CTNNA3: variants seen among roughly 807,000 people sequenced by gnomAD.
CTNNA3 encodes the protein catenin alpha-3.
Under a neutral mutation model 95.7 loss-of-function variants are expected in CTNNA3, and 76 were observed. The observed-to-expected ratio is 0.79, with a 90% CI of 0.66 to 0.96. CTNNA3 has a LOEUF of 0.96. Among genes scored for constraint, CTNNA3 ranks in the 40% least tolerant of loss-of-function variants. The probability of loss-of-function intolerance (pLI) is 0.00; values close to 1 mark genes in which losing one functional copy is unlikely to be tolerated. For missense variants in CTNNA3, 1,191 were observed against 1,089.8 expected (o/e 1.09, Z -1.31); for synonymous variants, 431 against 374.4 (o/e 1.15, Z -1.74).
chr10:67,703,319 AC>A (rs372690194), intron 1 of CTNNA3, among the ~76,000 whole-genome samples: 18,283 of 151,846 alleles, frequency 0.12, 1,600 homozygotes, highest in African/African-American at 0.25. Flanking sequence ...CAGAGACACA[AC>A]CAAAAAGAGA....
chr10:66,329,094 G>C lies in CTNNA3; in HGVS notation c.1733-48473C>G, dbSNP rs1347040737. The stretch of plus-strand genomic sequence containing the variant: ...GCCTCTCGAGTAGCTGGGATTACAG[G>C]TGTGTGCCATCACACTCTGCTAATT... On this transcript the variant is annotated intron_variant, in intron 12 of 17. Transcript: ENST00000433211. Among the ~76,000 whole-genome samples the C allele has an allele frequency of 1.3e-5, 2 of 151,052 alleles. 1 individual carries two copies. Among genetic ancestry groups the C allele is most frequent in the Non-Finnish European group, 3.0e-5 (2 of 67,656 alleles).
intron 10 of CTNNA3, among the ~76,000 whole-genome samples, chr10:66,565,994 C>A (rs192515149): frequency 6.6e-6 from 1 of 152,084 alleles, no homozygotes. Context: ...GAGGTCAGGA[C>A]GAGTAGGTTG....
chr10:67,416,243 C>T (rs1295350137), intron 5 of CTNNA3, among the ~76,000 whole-genome samples: 1 of 152,060 alleles, frequency 6.6e-6, no homozygotes, highest in African/African-American at 2.4e-5. Context: ...GCAAACAAGG[C>T]ATCCAACAAA....
In CTNNA3 at chr10:66,794,738, C is replaced by T. The variant is rs372171697; in HGVS notation, c.1048-19214G>A. Among the ~76,000 whole-genome samples the T allele has an allele frequency of 3.7e-4, 57 of 152,224 alleles. No individual in the cohort carries two copies. In the South Asian group the frequency reaches 9.1e-3, roughly 24 times the overall value. On this transcript the variant is annotated intron_variant, in intron 7 of 17. Transcript: ENST00000433211. ...TAGATATTTGAGAGTTTTTTACTAG[C>T]GGTAGAACATCTTTCAGAACTGGAG...
chr10:66,407,932 C>T (rs143241410), intron 11 of CTNNA3, among the ~76,000 whole-genome samples: 58 of 152,218 alleles, frequency 3.8e-4, no homozygotes, highest in African/African-American at 1.3e-3. Context: ...TCTGTTCTAA[C>T]GCATAAATTA....
At chr10:67,148,421 A>G (rs533674537) in intron 7 of CTNNA3, among the ~76,000 whole-genome samples, 3 of 152,326 alleles carry the variant, frequency 2.0e-5, no homozygotes, top group African/African-American at 4.8e-5. Flanking sequence ...GAGGGAAGTA[A>G]TATGATCATC....
chr10:66,668,111 A>T (rs951861239), intron 9 of CTNNA3, among the ~76,000 whole-genome samples: 13 of 152,162 alleles, frequency 8.5e-5, no homozygotes, highest in Non-Finnish European at 1.5e-4. Flanking sequence ...GTGTATTAAA[A>T]GAGTTAAATG....
intron 13 of CTNNA3, among the ~76,000 whole-genome samples, chr10:66,137,458 G>T (rs1256995194): frequency 6.6e-6 from 1 of 151,970 alleles, no homozygotes; most frequent in Non-Finnish European, 1.5e-5. Context: ...AAAACCCAAT[G>T]CATGAATCTC....
At chr10:67,123,518 T>C (rs1859567269) in intron 7 of CTNNA3, among the ~76,000 whole-genome samples, 1 of 152,216 alleles carries the variant, frequency 6.6e-6, no homozygotes. Context: ...TTACTTTAAA[T>C]CATTAACAGC....
chr10:65,969,299 T>A (rs2078046973), intron 16 of CTNNA3, among the ~76,000 whole-genome samples: 1 of 152,114 alleles, frequency 6.6e-6, no homozygotes, highest in Non-Finnish European at 1.5e-5. Flanking sequence ...ACAAATATAA[T>A]TACAAAAATT....
At chr10:66,750,864 T>G (rs1230174700) in intron 9 of CTNNA3, among the ~76,000 whole-genome samples, 2 of 152,238 alleles carry the variant, frequency 1.3e-5, no homozygotes, top group Non-Finnish European at 2.9e-5. Context: ...TCCATTTATT[T>G]AGACTTTTAA....
intron 12 of CTNNA3, among the ~76,000 whole-genome samples, chr10:66,355,337 A>G (rs1005004495): frequency 2.0e-5 from 3 of 152,084 alleles, no homozygotes; most frequent in African/African-American, 7.2e-5. Flanking sequence ...TTTTATGCAA[A>G]TCTTTAAAAT....
At chr10:66,742,605 C>T (rs1244145149) in intron 9 of CTNNA3, among the ~76,000 whole-genome samples, 2 of 152,106 alleles carry the variant, frequency 1.3e-5, no homozygotes, top group Non-Finnish European at 2.9e-5. Flanking sequence ...AGGATGTCTC[C>T]CCCGGACACC....
chr10:66,685,575 T>C (rs10997302), intron 9 of CTNNA3, among the ~76,000 whole-genome samples: 2 of 150,038 alleles, frequency 1.3e-5, no homozygotes, highest in Non-Finnish European at 3.0e-5. Flanking sequence ...GGTTTCACCA[T>C]GTTAGCCAGG....
intron 6 of CTNNA3, among the ~76,000 whole-genome samples, chr10:67,211,270 A>G (rs537609283): frequency 1.9e-3 from 261 of 140,002 alleles, no homozygotes; most frequent in Middle Eastern, 0.011. Flanking sequence ...GTTTTGGAGA[A>G]AAAAAAAAAA....
chr10:67,054,647 G>A lies in CTNNA3; in HGVS notation c.1047+125670C>T, dbSNP rs145774739. 9.1e-4 allele frequency: 138 copies of A among 152,252 alleles called. 3 individuals are homozygous for A. Among genetic ancestry groups the A allele is most frequent in the African/African-American group, 3.2e-3 (134 of 41,542 alleles). The allele number at this position is 152,252 out of a possible 1,614,324, so 9.4% of individuals were successfully genotyped here. On this transcript the variant is annotated intron_variant, in intron 7 of 17. Coordinates refer to ENST00000433211, the MANE Select transcript of CTNNA3 (RefSeq NM_013266.4). ...TATGATGCAGTATTTCCAATGGCGG[G>A]AGACAGAAACAATGTCACAAAGTGG...
At chr10:67,643,290 G>A (rs976901669) in intron 2 of CTNNA3, among the ~76,000 whole-genome samples, 13 of 127,862 alleles carry the variant, frequency 1.0e-4, no homozygotes, top group African/African-American at 4.3e-4. Context: ...ATGGACTCAT[G>A]GGGGGAACAC....
chr10:67,145,683 C>G (rs551120847), intron 7 of CTNNA3, among the ~76,000 whole-genome samples: 33 of 152,040 alleles, frequency 2.2e-4, no homozygotes, highest in Non-Finnish European at 3.8e-4. Flanking sequence ...CCTGCCTTGG[C>G]CTCCCAAAGT....
chr10:67,018,912 G>C (rs1446612049), intron 7 of CTNNA3, among the ~76,000 whole-genome samples: 1 of 152,126 alleles, frequency 6.6e-6, no homozygotes, highest in Non-Finnish European at 1.5e-5. Flanking sequence ...AGCTAATCTG[G>C]CAAGTGGGTT....
Sources: allele counts gnomAD v4.1 joint callset (sites outside exome capture counted in the v4.1 genomes callset), GRCh38; gene constraint gnomAD v4.1.1; transcripts MANE v1.5; gene names NCBI Gene and HGNC (gene_info 2026-07-23, HGNC 2026-07-21).